Variants in LRSAM1 observed in about 807,000 individuals in gnomAD.
LRSAM1 encodes E3 ubiquitin-protein ligase LRSAM1.
LRSAM1 carries 96 observed loss-of-function variants against 118.1 expected under a neutral mutation model. The observed-to-expected ratio is 0.81, with a 90% CI of 0.69 to 0.96. LRSAM1 has a LOEUF of 0.96. LRSAM1 is among the 40% of genes least tolerant of loss of function. The pLI, the probability that LRSAM1 is intolerant of heterozygous loss-of-function variation, is 0.00. For synonymous variants in LRSAM1, 322 were observed against 364.2 expected (o/e 0.88, Z 1.32); for missense variants, 804 against 915.5 (o/e 0.88, Z 1.57).
chr9:127,471,904 C>A (rs2132042241), intron 10 of LRSAM1, among the ~76,000 whole-genome samples: 1 of 149,010 alleles, frequency 6.7e-6, no homozygotes, highest in African/African-American at 2.5e-5. Context: ...CTAAGGTGAT[C>A]CACCCACCTC....
Position 127,476,367 on chromosome 9 carries a change from G to A in LRSAM1, c.750+2436G>A, listed in dbSNP as rs539994254. ...TCAACACCAGCCTGGGCAATGTGGCGAGACCCTGTCTCTACAAAAAATACA... is the reference window on the plus strand; with the variant it reads ...TCAACACCAGCCTGGGCAATGTGGCAAGACCCTGTCTCTACAAAAAATACA... On this transcript the variant is annotated intron_variant, in intron 11 of 25. Coordinates refer to ENST00000300417, the MANE Select transcript of LRSAM1 (RefSeq NM_001005373.4). Among the ~76,000 whole-genome samples the A allele has an allele frequency of 3.3e-5, 5 of 152,128 alleles. No homozygotes were observed. In the East Asian group the frequency reaches 9.7e-4, roughly 30 times the overall value.
Position 127,479,454 on chromosome 9 carries a change from C to A in LRSAM1, c.852C>A (p.Leu284=). 1.9e-6 allele frequency: 3 copies of A among 1,614,066 alleles called. No homozygotes were observed. The highest frequency in any genetic ancestry group is 2.5e-6 in the Non-Finnish European group (3 of 1,180,020). Reference sequence around the variant, plus strand: ...TGGGGCAGCGGGAGCACACCCAGCTCCTTCAGCAGAGCAGCAGCCAGAAGG... The same window carrying A: ...TGGGGCAGCGGGAGCACACCCAGCTACTTCAGCAGAGCAGCAGCCAGAAGG... The part of the protein sequence containing the change: ...LELGQREHTQ[L]LQQSSSQKDE... Residue 284 remains leucine (L), a synonymous_variant, in exon 13 of 26, where the codon CTC becomes CTA. Coordinates refer to ENST00000300417, the MANE Select transcript of LRSAM1 (RefSeq NM_001005373.4).
At chr9:127,485,076 G>T (rs62584996) in intron 16 of LRSAM1, among the ~76,000 whole-genome samples, 61,964 of 151,834 alleles carry the variant, frequency 0.41, 13,791 homozygotes, top group Non-Finnish European at 0.5. Flanking sequence ...CCAAAGTGCT[G>T]GGATTACAGG....
At chr9:127,489,546 C>CCTG in intron 19 of LRSAM1, 28 bp downstream of exon 19, 1 of 1,584,844 alleles carries the variant, frequency 6.3e-7, no homozygotes. Flanking sequence ...GGTCCCTGGA[C>CCTG]CTGCTCTCTC....
At chr9:127,471,639 T>C (rs1395186865) in intron 10 of LRSAM1, among the ~76,000 whole-genome samples, 3 of 150,188 alleles carry the variant, frequency 2.0e-5, no homozygotes, top group Non-Finnish European at 4.4e-5. Context: ...ATACAAAGAC[T>C]AGCCAGGCGT....
At chr9:127,491,601 C>T (rs185301048) in intron 20 of LRSAM1, among the ~76,000 whole-genome samples, 42 of 152,350 alleles carry the variant, frequency 2.8e-4, no homozygotes, top group Admixed American at 6.5e-4. Flanking sequence ...GGTGCGGGCC[C>T]GCCGCTGAGC....
In LRSAM1 at chr9:127,461,266, C is replaced by T; in HGVS notation, c.406+9C>T. On this transcript the variant is annotated intron_variant, in intron 8 of 25. Coordinates refer to ENST00000300417, the MANE Select transcript of LRSAM1 (RefSeq NM_001005373.4). The stretch of plus-strand genomic sequence containing the variant: ...GACTCTCAATGTTAAAGGTAGGGAC[C>T]AAGAAGCCGTGTCCGTGTGACCCTC... 1 of 1,608,978 alleles carries T rather than the reference C, an allele frequency of 6.2e-7. No homozygotes were observed. Among genetic ancestry groups the T allele is most frequent in the South Asian group, 1.1e-5 (1 of 90,980 alleles).
intron 21 of LRSAM1, 108 bp from the exon 22 acceptor site, chr9:127,495,212 C>A (rs1836082937): frequency 1.3e-5 from 13 of 1,010,474 alleles, no homozygotes; most frequent in Middle Eastern, 2.4e-4. Flanking sequence ...CTTGGCCCCC[C>A]AAAGTGCTGG....
intron 4 of LRSAM1, 126 bp from the exon 5 acceptor site, chr9:127,455,450 C>A: frequency 2.1e-6 from 2 of 957,874 alleles, no homozygotes; most frequent in South Asian, 1.3e-5. Context: ...CTCAGCACTG[C>A]CACCTGCTGT....
intron 6 of LRSAM1, among the ~76,000 whole-genome samples, 190 bp downstream of exon 6, chr9:127,457,583 C>T (rs1035065631): frequency 6.6e-6 from 1 of 152,200 alleles, no homozygotes; most frequent in Non-Finnish European, 1.5e-5. Context: ...CAAAGATGAC[C>T]AGCCACAGGC....
chr9:127,491,392 A>T, intron 20 of LRSAM1, 97 bp downstream of exon 20: 1 of 913,154 alleles, frequency 1.1e-6, no homozygotes, highest in Non-Finnish European at 1.8e-6. Flanking sequence ...AGCCCCTGGG[A>T]GTCAAGGGCT....
At chr9:127,471,025 GTATGT>G (rs1169947590) in intron 10 of LRSAM1, 2 of 152,012 alleles carry the variant, frequency 1.3e-5, no homozygotes, top group African/African-American at 2.4e-5. Context: ...TTTTCTGTAT[GTATGT>G]TATATTTTAC....
At chr9:127,462,084 G>A (rs1302767439) in intron 8 of LRSAM1, among the ~76,000 whole-genome samples, 168 bp from the exon 9 acceptor site, 2 of 152,264 alleles carry the variant, frequency 1.3e-5, no homozygotes, top group East Asian at 1.9e-4. Flanking sequence ...GCTAGTAATT[G>A]GTGGAGTGGG....
chr9:127,484,489 A>G (rs1377872238), intron 16 of LRSAM1, among the ~76,000 whole-genome samples: 1 of 150,636 alleles, frequency 6.6e-6, no homozygotes, highest in East Asian at 2.0e-4. Context: ...CAGCCTCCCA[A>G]GTAGTGGGGA....
chr9:127,497,724 A>C (rs1401229983), intron 24 of LRSAM1, among the ~76,000 whole-genome samples: 2 of 152,180 alleles, frequency 1.3e-5, no homozygotes, highest in African/African-American at 2.4e-5. Flanking sequence ...GCCTGTGGAC[A>C]TGGAGAGATG....
intron 6 of LRSAM1, among the ~76,000 whole-genome samples, chr9:127,458,361 C>T (rs926265020): frequency 4.7e-5 from 7 of 147,810 alleles, no homozygotes; most frequent in African/African-American, 7.6e-5. Context: ...CGCAGTCCGG[C>T]GTGGGCGACA....
At chr9:127,482,451 A>G (rs546541056) in intron 15 of LRSAM1, among the ~76,000 whole-genome samples, 5 of 152,254 alleles carry the variant, frequency 3.3e-5, no homozygotes, top group African/African-American at 1.2e-4. Flanking sequence ...CCATGTGACT[A>G]TTTGTGAAGG....
rs184494744 is a variant in LRSAM1, at chr9:127,483,731, T to C, written c.1159+711T>C. Among the ~76,000 whole-genome samples the C allele has an allele frequency of 1.6e-3, 237 of 152,326 alleles. 1 individual carries two copies. Among genetic ancestry groups the C allele is most frequent in the Middle Eastern group, 3.4e-3 (1 of 294 alleles). On this transcript the variant is annotated intron_variant, in intron 16 of 25. Transcript: ENST00000300417. ...CAGGCTGGAGTACAGTGGTGCGATC[T>C]TGGCTCACTGCAACCTCCGCCTCCC...
chr9:127,460,846 TC>T (rs1400474510), intron 7 of LRSAM1, among the ~76,000 whole-genome samples: 1 of 132,982 alleles, frequency 7.5e-6, no homozygotes, highest in African/African-American at 2.9e-5. Context: ...CCTGTTTCTT[TC>T]TTTTTTTTTT....
Sources: gnomAD v4.1 joint callset for allele counts (sites outside exome capture counted in the v4.1 genomes callset) on GRCh38, gnomAD v4.1.1 for gene constraint, MANE v1.5 for transcripts, NCBI Gene and HGNC (gene_info 2026-07-23, HGNC 2026-07-21) for gene names.